CDH4: variants seen among roughly 807,000 people sequenced by gnomAD.
CDH4 encodes the protein cadherin 4.
Under a neutral mutation model 86.0 loss-of-function variants are expected in CDH4, and 33 were observed. That is an observed-to-expected ratio of 0.38 (90% CI 0.29 to 0.51). CDH4 has a LOEUF of 0.51. CDH4 is among the 20% of genes least tolerant of loss of function. The pLI, the probability that CDH4 is intolerant of heterozygous loss-of-function variation, is 0.86. For missense variants in CDH4, 1,114 were observed against 1,307.4 expected (o/e 0.85, Z 2.28); for synonymous variants, 555 against 549.4 (o/e 1.01, Z -0.14).
intron 2 of CDH4, among the ~76,000 whole-genome samples, chr20:61,298,494 A>G (rs1448410387): frequency 6.6e-6 from 1 of 151,972 alleles, no homozygotes; most frequent in Non-Finnish European, 1.5e-5. Context: ...CTGCTGGGCC[A>G]CGTCCCGTCA....
chr20:61,864,701 G>A (rs778545001), intron 6 of CDH4, among the ~76,000 whole-genome samples: 1 of 152,202 alleles, frequency 6.6e-6, no homozygotes, highest in Non-Finnish European at 1.5e-5. Context: ...TGAGAGGACC[G>A]AGGGGGAGGT....
chr20:61,431,609 C>T (rs1482936605), intron 2 of CDH4, among the ~76,000 whole-genome samples: 1 of 152,128 alleles, frequency 6.6e-6, no homozygotes, highest in Admixed American at 6.5e-5. Context: ...ATCCACCTGC[C>T]TTGGTCTCCT....
intron 2 of CDH4, among the ~76,000 whole-genome samples, chr20:61,356,549 C>T (rs931262084): frequency 6.6e-6 from 1 of 152,142 alleles, no homozygotes; most frequent in Non-Finnish European, 1.5e-5. Context: ...GAGTAAAAGC[C>T]GTGCAGTTGC....
At chr20:61,790,481 T>A (rs1332452465) in intron 4 of CDH4, among the ~76,000 whole-genome samples, 148 of 123,004 alleles carry the variant, frequency 1.2e-3, no homozygotes, top group South Asian at 6.7e-3. Flanking sequence ...CCCACCATCC[T>A]TCCATTCATC....
intron 4 of CDH4, among the ~76,000 whole-genome samples, chr20:61,835,070 AT>A (rs1981803762): frequency 6.6e-6 from 1 of 152,068 alleles, no homozygotes; most frequent in South Asian, 2.1e-4. Context: ...TACAGAGTTC[AT>A]TTTTTGTCTT....
At chr20:61,342,509 G>T (rs2084654322) in intron 2 of CDH4, among the ~76,000 whole-genome samples, 1 of 152,206 alleles carries the variant, frequency 6.6e-6, no homozygotes, top group African/African-American at 2.4e-5. Flanking sequence ...ATCTAATGCT[G>T]CCACTGATCT....
chr20:61,772,989 C>T lies in CDH4; in HGVS notation c.397-14C>T, dbSNP rs199952226. ...TGGACTTCTCTGCCTCTTCTCTCCC[C>T]TTTCCAAATAAAGCCGCAGAAAGGA... is the stretch of plus-strand genomic sequence containing the variant. On this transcript the variant is annotated splice_polypyrimidine_tract_variant and intron_variant, in intron 3 of 15. Transcript: ENST00000614565. 6.2e-7 allele frequency: 1 copy of T among 1,603,302 alleles called. No homozygotes were observed.
chr20:61,686,477 G>A (rs535953207), intron 2 of CDH4, among the ~76,000 whole-genome samples: 2 of 147,868 alleles, frequency 1.4e-5, no homozygotes, highest in African/African-American at 5.2e-5. Context: ...GCGTGTATAT[G>A]TGCGTGTGTG....
rs1174501112 is a variant in CDH4, at chr20:61,541,930, G to T, written c.170-201633G>T. ...GGCAGGATTGCTCTGTTTGCTGCTT[G>T]AAGCTGGATATGGCTGTGTGGCCTG... On this transcript the variant is annotated intron_variant, in intron 2 of 15. Coordinates refer to ENST00000614565, the MANE Select transcript of CDH4 (RefSeq NM_001794.5). 2.6e-5 allele frequency among the ~76,000 whole-genome samples: 4 copies of T among 152,188 alleles called. No homozygotes were observed. The East Asian group carries it at 7.7e-4, about 29-fold the overall frequency.
At chr20:61,793,523 A>G (rs1197518324) in intron 4 of CDH4, among the ~76,000 whole-genome samples, 1 of 152,094 alleles carries the variant, frequency 6.6e-6, no homozygotes, top group East Asian at 1.9e-4. Context: ...TGCTCCCTGG[A>G]CAGTCATTTT....
intron 6 of CDH4, among the ~76,000 whole-genome samples, chr20:61,864,421 C>G (rs1463978298): frequency 6.6e-6 from 1 of 152,242 alleles, no homozygotes; most frequent in African/African-American, 2.4e-5. Flanking sequence ...AAACCCTGTC[C>G]ATCGAACATC....
At chr20:61,564,714 G>C (rs2086250434) in intron 2 of CDH4, among the ~76,000 whole-genome samples, 1 of 152,190 alleles carries the variant, frequency 6.6e-6, no homozygotes. Flanking sequence ...CAAGAACGGA[G>C]TAACACATGT....
At chr20:61,870,671 A>C (rs1378414916) in intron 6 of CDH4, among the ~76,000 whole-genome samples, 1 of 152,172 alleles carries the variant, frequency 6.6e-6, no homozygotes, top group East Asian at 1.9e-4. Flanking sequence ...GGGAAGCTGG[A>C]GTGGCTTCTC....
intron 2 of CDH4, among the ~76,000 whole-genome samples, chr20:61,608,613 A>C (rs1011855016): frequency 2.0e-5 from 3 of 152,236 alleles, no homozygotes; most frequent in East Asian, 3.8e-4. Context: ...CGCAGCCAAG[A>C]ACGTGGTCCA....
intron 6 of CDH4, among the ~76,000 whole-genome samples, chr20:61,854,380 G>A (rs1222215473): frequency 6.6e-6 from 1 of 152,006 alleles, no homozygotes; most frequent in Admixed American, 6.5e-5. Context: ...CCGCCCCCAG[G>A]GCTGCAGTGT....
At chr20:61,303,286 G>A (rs546112932) in intron 2 of CDH4, among the ~76,000 whole-genome samples, 3 of 152,334 alleles carry the variant, frequency 2.0e-5, no homozygotes, top group East Asian at 3.9e-4. Flanking sequence ...CAAGGAGGGC[G>A]ATATTAGCCA....
intron 2 of CDH4, among the ~76,000 whole-genome samples, chr20:61,331,241 C>T (rs539821411): frequency 6.6e-6 from 1 of 152,114 alleles, no homozygotes; most frequent in South Asian, 2.1e-4. Context: ...CTAAAGCTCC[C>T]ACCCTGGGAT....
chr20:61,803,543 A>G (rs973528186), intron 4 of CDH4, among the ~76,000 whole-genome samples: 3 of 152,224 alleles, frequency 2.0e-5, no homozygotes, highest in African/African-American at 7.2e-5. Context: ...TCCTCCAGCG[A>G]ATGGAATCCA....
intron 2 of CDH4, among the ~76,000 whole-genome samples, chr20:61,411,120 TTCCATCCATCCATCCA>T (rs11473075): frequency 4.1e-5 from 6 of 146,920 alleles, no homozygotes; most frequent in African/African-American, 7.7e-5. Context: ...CCGTCTTTCC[TTCCATCCATCCATCCA>T]TCCATCCATC....
Sources: allele counts gnomAD v4.1 joint callset (sites outside exome capture counted in the v4.1 genomes callset), GRCh38; gene constraint gnomAD v4.1.1; transcripts MANE v1.5; gene names NCBI Gene and HGNC (gene_info 2026-07-23, HGNC 2026-07-21).